PTPRC: variants seen among roughly 807,000 people sequenced by gnomAD.
The protein encoded by PTPRC is protein tyrosine phosphatase receptor type C.
In PTPRC, 44 loss-of-function variants were observed where a neutral mutation model predicts 155.9. The ratio of observed to expected loss-of-function variants is 0.28; its 90% confidence interval spans 0.22 to 0.36. PTPRC has a LOEUF of 0.36. Ranked by LOEUF, PTPRC falls within the 10% of genes least tolerant of loss-of-function variation. PTPRC has a pLI of 1.00. For synonymous variants in PTPRC, 525 were observed against 533.1 expected (o/e 0.98, Z 0.21); for missense variants, 1,401 against 1,564.6 (o/e 0.90, Z 1.76).
intron 2 of PTPRC, among the ~76,000 whole-genome samples, chr1:198,651,812 T>C (rs1227878922): frequency 6.6e-6 from 1 of 151,786 alleles, no homozygotes; most frequent in African/African-American, 2.4e-5. Flanking sequence ...GTTCTAATTT[T>C]AAATACAGTA....
chr1:198,729,773 G>T (rs1014599862), intron 17 of PTPRC, among the ~76,000 whole-genome samples: 1 of 152,142 alleles, frequency 6.6e-6, no homozygotes, highest in African/African-American at 2.4e-5. Context: ...ACGGTAATTT[G>T]ATACATGCCC....
rs750200877 is a variant in PTPRC, at chr1:198,749,516, A to C, written c.3039A>C (p.Glu1013Asp). 6.2e-7 allele frequency: 1 copy of C among 1,611,092 alleles called. No individual in the cohort carries two copies. Among genetic ancestry groups the C allele is most frequent in the South Asian group, 1.1e-5 (1 of 91,024 alleles). Residue 1013 changes from glutamate to aspartate, a missense_variant, in exon 28 of 33, where the codon GAA becomes GAC. Around this residue, in one of 3 missense-constraint regions of PTPRC, gnomAD observed 400 missense variants for 389.5 expected, o/e 1.03. Coordinates refer to ENST00000442510, the MANE Select transcript of PTPRC (RefSeq NM_002838.5). ...CTGATGATGACAGTGATTCAGAGGA[A>C]CCAAGCAAATACATCAATGCATCTT... The part of the protein sequence containing the change: ...ESSDDDSDSE[E>D]PSKYINASFI...
At chr1:198,747,997 T>C in intron 26 of PTPRC, 112 bp from the exon 27 acceptor site, 1 of 1,470,392 alleles carries the variant, frequency 6.8e-7, no homozygotes, top group South Asian at 1.3e-5. Context: ...AGGGAGCATA[T>C]GCAAATTTCA....
In PTPRC at chr1:198,756,454, G is replaced by C. The variant is rs1043734806; in HGVS notation, c.*273G>C. On this transcript the variant is annotated 3_prime_UTR_variant, in exon 33 of 33. Coordinates refer to ENST00000442510, the MANE Select transcript of PTPRC (RefSeq NM_002838.5). ...TATGTGTGTATATGTATGTGTGTAT[G>C]GGTGTGTGTTTGTGTGAGAGACAGA... 8.5e-6 allele frequency: 3 copies of C among 352,822 alleles called. No individual in the cohort carries two copies. Among genetic ancestry groups the C allele is most frequent in the African/African-American group, 6.3e-5 (3 of 47,386 alleles). The allele number at this position is 352,822 out of a possible 1,614,324, so 21.9% of individuals were successfully genotyped here. A position where few individuals can be genotyped will look rare whatever the true frequency, so the allele number is the denominator to read the frequency against.
At chr1:198,744,272 G>A (rs897424278) in intron 26 of PTPRC, 69 bp downstream of exon 26, 3 of 1,443,570 alleles carry the variant, frequency 2.1e-6, no homozygotes, top group East Asian at 2.5e-5. Flanking sequence ...CTTTCTAGGT[G>A]TTTGCTATGC....
At chr1:198,652,292 G>A (rs970217371) in intron 2 of PTPRC, among the ~76,000 whole-genome samples, 1 of 151,768 alleles carries the variant, frequency 6.6e-6, no homozygotes, top group Non-Finnish European at 1.5e-5. Context: ...TAGAAAGGGA[G>A]GGAGGGAGAG....
At chr1:198,663,753 A>G (rs1664120271) in intron 2 of PTPRC, among the ~76,000 whole-genome samples, 1 of 152,196 alleles carries the variant, frequency 6.6e-6, no homozygotes, top group African/African-American at 2.4e-5. Context: ...CAGTTTCCTT[A>G]TCTTTAAATG....
At chr1:198,679,121 C>A (rs544528898) in intron 2 of PTPRC, 9 of 201,738 alleles carry the variant, frequency 4.5e-5, no homozygotes, top group Admixed American at 1.4e-4. Context: ...AGTTCAGGTC[C>A]CTGAGCTGCC....
At position 198,757,453 on chromosome 1, in the gene PTPRC, G is replaced by T. The variant is rs1655740714; in HGVS notation, c.*1272G>T. ...CAAGAATAGTGGTATTTTTCATGAA[G>T]TAATAAAAACTCGTTTTGGTGAATT... is the stretch of plus-strand genomic sequence containing the variant. On this transcript the variant is annotated 3_prime_UTR_variant, in exon 33 of 33. Transcript: ENST00000442510. 1.3e-5 allele frequency: 2 copies of T among 151,528 alleles called. No individual in the cohort carries two copies. Among genetic ancestry groups the T allele is most frequent in the African/African-American group, 4.8e-5 (2 of 41,346 alleles). The allele number at this position is 151,528 out of a possible 1,614,324, so 9.4% of individuals were successfully genotyped here.
chr1:198,754,251 CTTTT>C lies in PTPRC; in HGVS notation c.3510-17_3510-14del. On this transcript the variant is annotated splice_polypyrimidine_tract_variant and intron_variant, in intron 31 of 32. Coordinates refer to ENST00000442510, the MANE Select transcript of PTPRC (RefSeq NM_002838.5). ...GGTGAGAAGTAGGATTATTTTCTAT[CTTTT>C]CTTTCTTTTATAGGGATGGATCTCA... 1.3e-6 allele frequency: 2 copies of C among 1,599,702 alleles called. No homozygotes were observed. The highest frequency in any genetic ancestry group is 1.7e-6 in the Non-Finnish European group (2 of 1,168,154).
intron 2 of PTPRC, among the ~76,000 whole-genome samples, chr1:198,649,471 C>T (rs1467958327): frequency 2.0e-5 from 3 of 151,814 alleles, no homozygotes. Flanking sequence ...AGGAAAAGGT[C>T]AGGGAGCTGA....
At chr1:198,642,936 C>CTT (rs1662702154) in intron 2 of PTPRC, among the ~76,000 whole-genome samples, 2 of 147,632 alleles carry the variant, frequency 1.4e-5, no homozygotes, top group African/African-American at 2.5e-5. Flanking sequence ...TTCTTTCTTT[C>CTT]TTTCTTTCTT....
At position 198,744,223 on chromosome 1, in the gene PTPRC, T is replaced by C. The variant is rs774715171; in HGVS notation, c.2847+20T>C. The stretch of plus-strand genomic sequence containing the variant: ...TTCCAGGTAATGATAGTGACAACAA[T>C]AATAATAATTACAGATAACTTTTAT... On this transcript the variant is annotated intron_variant, in intron 26 of 32. Transcript: ENST00000442510. The C allele has an allele frequency of 6.3e-7, 1 of 1,583,260 alleles. No homozygotes were observed. The highest frequency in any genetic ancestry group is 8.7e-7 in the Non-Finnish European group (1 of 1,155,468).
At chr1:198,655,416 C>G (rs1663506100) in intron 2 of PTPRC, among the ~76,000 whole-genome samples, 1 of 151,936 alleles carries the variant, frequency 6.6e-6, no homozygotes, top group African/African-American at 2.4e-5. Flanking sequence ...GTGACTTGTC[C>G]TTTGTTACAC....
At position 198,656,646 on chromosome 1, in the gene PTPRC, G is replaced by GTTTTTTT. The variant is rs1017437706; in HGVS notation, c.73+17311_73+17312insTTTTTTT. ...CACATCACAGGGCTACTAGTTTTTT[G>GTTTTTTT]TTTTTTGTTTTTTTTTTTTTTGTCA... is the stretch of plus-strand genomic sequence containing the variant. On this transcript the variant is annotated intron_variant, in intron 2 of 32. Coordinates refer to ENST00000442510, the MANE Select transcript of PTPRC (RefSeq NM_002838.5). Among the ~76,000 whole-genome samples the GTTTTTTT allele has an allele frequency of 1.5e-4, 13 of 86,480 alleles. 1 individual carries two copies. The highest frequency in any genetic ancestry group is 4.6e-4 in the African/African-American group (9 of 19,438). 56.7% of individuals were successfully genotyped at this position (86,480 alleles called of 152,430 possible).
chr1:198,672,358 C>T (rs1042426286), intron 2 of PTPRC, among the ~76,000 whole-genome samples: 6 of 152,192 alleles, frequency 3.9e-5, no homozygotes, highest in African/African-American at 1.4e-4. Flanking sequence ...CATCATCAAA[C>T]CATTGAGCTA....
intron 31 of PTPRC, among the ~76,000 whole-genome samples, chr1:198,753,535 G>T (rs745477078): frequency 1.4e-4 from 22 of 151,940 alleles, no homozygotes; most frequent in Non-Finnish European, 2.5e-4. Context: ...TATTGGAATT[G>T]CATATACTAG....
At chr1:198,695,112 T>C in intron 3 of PTPRC, 3 of 904,044 alleles carry the variant, frequency 3.3e-6, no homozygotes, top group Non-Finnish European at 4.0e-6. Flanking sequence ...ATTTTATCTG[T>C]ATTTAGTAAA....
intron 2 of PTPRC, among the ~76,000 whole-genome samples, chr1:198,678,485 T>TG (rs1464146606): frequency 2.6e-5 from 4 of 152,194 alleles, no homozygotes; most frequent in African/African-American, 9.7e-5. Context: ...AAGCTGTCAA[T>TG]GAGCACTGCT....
Sources: allele counts gnomAD v4.1 joint callset (sites outside exome capture counted in the v4.1 genomes callset), GRCh38; gene constraint gnomAD v4.1.1; regional missense constraint gnomAD v4.1.1; transcripts MANE v1.5; gene names NCBI Gene and HGNC (gene_info 2026-07-23, HGNC 2026-07-21).